Variants in FOXP2 observed in about 807,000 individuals in gnomAD.
The protein encoded by FOXP2 is forkhead box protein P2.
In FOXP2, 12 loss-of-function variants were observed where a neutral mutation model predicts 115.8. That is an observed-to-expected ratio of 0.10 (90% CI 0.07 to 0.17). The LOEUF (loss-of-function observed/expected upper bound fraction) is 0.17. Among genes scored for constraint, FOXP2 ranks in the 10% least tolerant of loss-of-function variants. FOXP2 has a pLI of 1.00. For missense variants in FOXP2, 629 were observed against 843.5 expected, an observed-to-expected ratio of 0.75 and a Z score of 3.15; for synonymous variants, 328 against 297.7, an observed-to-expected ratio of 1.10 and a Z score of -1.05.
intron 1 of FOXP2, among the ~76,000 whole-genome samples, chr7:114,096,696 T>G (rs1266646281): frequency 6.6e-6 from 1 of 152,174 alleles, no homozygotes; most frequent in Non-Finnish European, 1.5e-5. Flanking sequence ...AGGAACATCA[T>G]TATTATAAGG....
At chr7:114,677,899 T>C (rs943100725) in intron 16 of FOXP2, among the ~76,000 whole-genome samples, 6 of 152,214 alleles carry the variant, frequency 3.9e-5, no homozygotes, top group African/African-American at 1.2e-4. Flanking sequence ...TGAACACCTA[T>C]TGTGTGCATC....
At chr7:114,582,365 G>A (rs966371448) in intron 3 of FOXP2, among the ~76,000 whole-genome samples, 2 of 152,132 alleles carry the variant, frequency 1.3e-5, no homozygotes, top group Non-Finnish European at 2.9e-5. Flanking sequence ...CTGAATTCAA[G>A]CTTTGATTAT....
intron 3 of FOXP2, among the ~76,000 whole-genome samples, chr7:114,562,133 C>T (rs1408878795): frequency 6.6e-6 from 1 of 152,162 alleles, no homozygotes; most frequent in East Asian, 1.9e-4. Context: ...ACCTTAAACA[C>T]TTTCACTATT....
chr7:114,685,140 C>T (rs944645949), intron 16 of FOXP2, among the ~76,000 whole-genome samples: 2 of 152,114 alleles, frequency 1.3e-5, no homozygotes, highest in African/African-American at 4.8e-5. Context: ...GATCTTTCCC[C>T]CTCTCCCAGT....
chr7:114,580,726 G>T lies in FOXP2; in HGVS notation c.258+46020G>T, dbSNP rs114429400. ...TATACCTGGTTATCTGTATTTGGCA[G>T]GTTGTGACCCTGGTGATACCTAAAA... On this transcript the variant is annotated intron_variant, in intron 3 of 16. Coordinates refer to ENST00000350908, the MANE Select transcript of FOXP2 (RefSeq NM_014491.4). Among the ~76,000 whole-genome samples the T allele has an allele frequency of 5.8e-3, 878 of 152,262 alleles. 6 individuals carry two copies. Among genetic ancestry groups the T allele is most frequent in the African/African-American group, 0.018 (732 of 41,544 alleles).
At chr7:114,493,349 T>G (rs1797158498) in intron 2 of FOXP2, among the ~76,000 whole-genome samples, 1 of 152,130 alleles carries the variant, frequency 6.6e-6, no homozygotes, top group African/African-American at 2.4e-5. Context: ...CTGATGGGTC[T>G]TGACTCTTTC....
At chr7:114,689,269 A>T (rs1248762834) in intron 16 of FOXP2, among the ~76,000 whole-genome samples, 2 of 152,102 alleles carry the variant, frequency 1.3e-5, no homozygotes, top group African/African-American at 4.8e-5. Flanking sequence ...TATTTTCTGA[A>T]ATTTGTTAGT....
At chr7:114,512,759 T>G (rs980671327) in intron 2 of FOXP2, among the ~76,000 whole-genome samples, 2 of 152,058 alleles carry the variant, frequency 1.3e-5, no homozygotes, top group Admixed American at 6.6e-5. Context: ...TGAAAGAAAA[T>G]ATTGGGATTC....
intron 16 of FOXP2, among the ~76,000 whole-genome samples, chr7:114,688,771 G>T (rs1808504255): frequency 6.6e-6 from 1 of 152,020 alleles, no homozygotes; most frequent in African/African-American, 2.4e-5. Context: ...TTGACAGTTG[G>T]TAAAGATATT....
chr7:114,412,698 T>A (rs956572343), upstream of FOXP2, among the ~76,000 whole-genome samples: 2 of 152,162 alleles, frequency 1.3e-5, no homozygotes, highest in African/African-American at 2.4e-5. Flanking sequence ...GATAGCTGTG[T>A]GAAACTGTTG....
intron 2 of FOXP2, among the ~76,000 whole-genome samples, chr7:114,334,217 A>G (rs1049330208): frequency 6.6e-6 from 1 of 152,158 alleles, no homozygotes; most frequent in Non-Finnish European, 1.5e-5. Flanking sequence ...ATTGAAAGTA[A>G]TAAATGATCA....
intron 2 of FOXP2, among the ~76,000 whole-genome samples, chr7:114,450,426 A>C (rs1416778990): frequency 6.6e-6 from 1 of 152,158 alleles, no homozygotes; most frequent in African/African-American, 2.4e-5. Context: ...ATCAGAATTC[A>C]AATATATAGC....
At chr7:114,371,983 G>T (rs533956612) in intron 2 of FOXP2, among the ~76,000 whole-genome samples, 1 of 152,214 alleles carries the variant, frequency 6.6e-6, no homozygotes, top group African/African-American at 2.4e-5. Flanking sequence ...GTTTTTAAAA[G>T]AATATAACAG....
chr7:114,304,755 C>CATG (rs1031846021), intron 2 of FOXP2, among the ~76,000 whole-genome samples: 8 of 149,512 alleles, frequency 5.4e-5, no homozygotes, highest in African/African-American at 2.0e-4. Context: ...CTCTATAATC[C>CATG]ATGTTCTCTT....
chr7:114,094,456 T>C (rs546489383), intron 1 of FOXP2, among the ~76,000 whole-genome samples: 1 of 152,292 alleles, frequency 6.6e-6, no homozygotes, highest in South Asian at 2.1e-4. Flanking sequence ...AAGGAGGCTA[T>C]AATATTTTCT....
intron 1 of FOXP2, among the ~76,000 whole-genome samples, chr7:114,250,896 G>A (rs1051821946): frequency 6.6e-6 from 1 of 152,154 alleles, no homozygotes; most frequent in Non-Finnish European, 1.5e-5. Context: ...CAATGGTATT[G>A]CCTAGGTTTT....
chr7:114,570,468 T>C (rs191040768), intron 3 of FOXP2, among the ~76,000 whole-genome samples: 102 of 152,000 alleles, frequency 6.7e-4, no homozygotes, highest in Non-Finnish European at 1.6e-4. Flanking sequence ...TACACCAAAA[T>C]TGCAGTGTCA....
At chr7:114,471,879 G>T (rs1385773786) in intron 2 of FOXP2, among the ~76,000 whole-genome samples, 1 of 150,986 alleles carries the variant, frequency 6.6e-6, no homozygotes, top group Non-Finnish European at 1.5e-5. Flanking sequence ...AGAATTGCTT[G>T]AACCCAGGAG....
rs577257393 is a variant in FOXP2 at position 114,573,825 on chromosome 7, C to T, written c.258+39119C>T. Among the ~76,000 whole-genome samples, 292 of 151,804 alleles carry T rather than the reference C, an allele frequency of 1.9e-3. 1 individual carries two copies. The highest frequency in any genetic ancestry group is 3.4e-3 in the Middle Eastern group (1 of 294). On this transcript the variant is annotated intron_variant, in intron 3 of 16. Coordinates refer to ENST00000350908, the MANE Select transcript of FOXP2 (RefSeq NM_014491.4). ...CAGGGAGAGAAAACAACTTACATTACCAAATGAAGGTTAAAGCCCAAATTA... is the reference window on the plus strand; with the variant it reads ...CAGGGAGAGAAAACAACTTACATTATCAAATGAAGGTTAAAGCCCAAATTA...
Sources: allele counts gnomAD v4.1 joint callset (sites outside exome capture counted in the v4.1 genomes callset), GRCh38; gene constraint gnomAD v4.1.1; transcripts MANE v1.5; gene names NCBI Gene and HGNC (gene_info 2026-07-23, HGNC 2026-07-21).